Variants in ZFHX3 observed in about 807,000 individuals in gnomAD.
The protein encoded by ZFHX3 is zinc finger homeobox 3.
In ZFHX3, 42 loss-of-function variants were observed where a neutral mutation model predicts 279.1. The observed-to-expected ratio is 0.15, with a 90% CI of 0.12 to 0.19. ZFHX3 has a LOEUF of 0.19. Ranked by LOEUF, ZFHX3 falls within the 10% of genes least tolerant of loss-of-function variation. The pLI, the probability that ZFHX3 is intolerant of heterozygous loss-of-function variation, is 1.00. For synonymous variants in ZFHX3, 2,293 were observed against 1,957.8 expected (o/e 1.17, Z -4.52); for missense variants, 4,981 against 4,754.0 (o/e 1.05, Z -1.40).
intron 4 of ZFHX3, among the ~76,000 whole-genome samples, chr16:73,260,680 G>GTTTTTTTTTTTTT (rs370384540): frequency 1.1e-5 from 1 of 88,380 alleles, no homozygotes; most frequent in Non-Finnish European, 2.1e-5. Context: ...CACCTATCTG[G>GTTTTTTTTTTTTT]TTTTTTTTTT....
At chr16:73,113,686 C>T (rs1009506713) in intron 7 of ZFHX3, among the ~76,000 whole-genome samples, 37 of 150,788 alleles carry the variant, frequency 2.5e-4, no homozygotes, top group Non-Finnish European at 4.6e-4. Flanking sequence ...ACACGGATGG[C>T]GGGTCTTGGT....
At chr16:72,968,011 G>A (rs1330722343) in intron 1 of ZFHX3, among the ~76,000 whole-genome samples, 2 of 134,580 alleles carry the variant, frequency 1.5e-5, no homozygotes, top group East Asian at 4.0e-4. Flanking sequence ...AATTATAGCA[G>A]GAAAAAAAAA....
chr16:73,673,036 C>G (rs2052919535), intron 2 of ZFHX3, among the ~76,000 whole-genome samples: 1 of 152,072 alleles, frequency 6.6e-6, no homozygotes, highest in African/African-American at 2.4e-5. Context: ...ATTTGTCACT[C>G]CCATCAGTCT....
rs554162748 is a variant in ZFHX3, at chr16:73,754,071, T to C, written c.-1607-73831A>G. On this transcript the variant is annotated intron_variant, in intron 1 of 17. Transcript: ENST00000641206. ...CCAAATGTCTTGTGTATTTTGTCTT[T>C]CCATCCACACTGCAAACTCCTCTGG... Among the ~76,000 whole-genome samples, 402 of 151,556 alleles carry C rather than the reference T, an allele frequency of 2.7e-3. 1 individual carries two copies. Among genetic ancestry groups the C allele is most frequent in the African/African-American group, 9.2e-3 (380 of 41,294 alleles).
Position 72,958,899 on chromosome 16 carries a change from G to T in ZFHX3, c.1247C>A (p.Thr416Asn). The change falls in exon 2 of 10, where the codon ACC (threonine) becomes AAC (asparagine). Residue 416 changes from threonine to asparagine, a missense_variant. Around this residue, in one of 7 missense-constraint regions of ZFHX3, gnomAD observed 1,068 missense variants for 935.2 expected, o/e 1.14. Transcript: ENST00000268489. The part of the protein sequence containing the change: ...LTSSVLKTPI[T>N]SVPLGPLASS... ...AGCCAGAGGCCCCAGGGGGACTGAG[G>T]TAATGGGGGTCTTCAGTACCGAGCT... The T allele has an allele frequency of 6.2e-7, 1 of 1,608,204 alleles. No homozygotes were observed. Among genetic ancestry groups the T allele is most frequent in the Non-Finnish European group, 8.5e-7 (1 of 1,176,982 alleles).
intron 4 of ZFHX3, among the ~76,000 whole-genome samples, chr16:73,285,519 G>T (rs2014574045): frequency 6.6e-6 from 1 of 152,244 alleles, no homozygotes; most frequent in Non-Finnish European, 1.5e-5. Context: ...GGGTGTGTCA[G>T]GACGGGGGAT....
intron 8 of ZFHX3, among the ~76,000 whole-genome samples, chr16:73,085,449 T>A (rs1966000439): frequency 6.6e-6 from 1 of 152,162 alleles, no homozygotes; most frequent in Non-Finnish European, 1.5e-5. Context: ...TTTCACTATG[T>A]TGGTCAGGCT....
At chr16:73,470,596 C>G (rs776714811) in intron 2 of ZFHX3, among the ~76,000 whole-genome samples, 23 of 152,180 alleles carry the variant, frequency 1.5e-4, no homozygotes, top group Non-Finnish European at 2.2e-4. Flanking sequence ...GTCCCCCACA[C>G]CCCAAATTAT....
At chr16:73,366,233 A>G (rs775042328) in intron 3 of ZFHX3, among the ~76,000 whole-genome samples, 1 of 152,342 alleles carries the variant, frequency 6.6e-6, no homozygotes, top group Non-Finnish European at 1.5e-5. Flanking sequence ...GAACAGCCTC[A>G]GTGTCCAGCA....
intron 1 of ZFHX3, among the ~76,000 whole-genome samples, chr16:73,706,712 G>C (rs1020697474): frequency 7.9e-5 from 12 of 152,116 alleles, no homozygotes; most frequent in Non-Finnish European, 1.6e-4. Context: ...CTTTGCCAAA[G>C]ATGTTTTCTT....
intron 4 of ZFHX3, among the ~76,000 whole-genome samples, chr16:72,868,402 A>T (rs1390482446): frequency 6.6e-6 from 1 of 152,152 alleles, no homozygotes; most frequent in Non-Finnish European, 1.5e-5. Flanking sequence ...ACCACCTAAA[A>T]ACAGCATTAA....
intron 7 of ZFHX3, among the ~76,000 whole-genome samples, chr16:73,115,040 G>C (rs1176423115): frequency 5.9e-5 from 9 of 152,142 alleles, no homozygotes; most frequent in African/African-American, 1.2e-4. Context: ...GCTGTCTTCA[G>C]CTTCTCTCCC....
intron 7 of ZFHX3, among the ~76,000 whole-genome samples, chr16:72,810,333 C>T (rs969571933): frequency 5.9e-5 from 9 of 152,088 alleles, no homozygotes; most frequent in Admixed American, 1.3e-4. Flanking sequence ...TTACAGGAAC[C>T]CACCACCATG....
At chr16:73,246,264 C>G (rs948356933) in intron 5 of ZFHX3, among the ~76,000 whole-genome samples, 1 of 152,118 alleles carries the variant, frequency 6.6e-6, no homozygotes, top group Non-Finnish European at 1.5e-5. Context: ...GCATGGCTGG[C>G]AGCATCAGGT....
At chr16:72,789,975 C>G (rs1048147538) in intron 9 of ZFHX3, 1 of 152,304 alleles carries the variant, frequency 6.6e-6, no homozygotes, top group Non-Finnish European at 1.5e-5. Flanking sequence ...CTATGGATAG[C>G]AAAGGTCTGA....
intron 1 of ZFHX3, among the ~76,000 whole-genome samples, chr16:73,038,918 C>G (rs544079332): frequency 6.6e-6 from 1 of 152,072 alleles, no homozygotes; most frequent in South Asian, 2.1e-4. Context: ...CCACCTCAGC[C>G]TCCCGAGTAG....
At chr16:72,887,791 A>G (rs1233835082) in intron 4 of ZFHX3, among the ~76,000 whole-genome samples, 1 of 151,758 alleles carries the variant, frequency 6.6e-6, no homozygotes, top group Non-Finnish European at 1.5e-5. Flanking sequence ...TGTGTGTACA[A>G]CGTATGTGGG....
At chr16:73,499,278 A>G (rs2019194412) in intron 2 of ZFHX3, 1 of 152,222 alleles carries the variant, frequency 6.6e-6, no homozygotes, top group Non-Finnish European at 1.5e-5. Context: ...CAGCGCCACC[A>G]TGCCAGAGAG....
At chr16:72,946,406 T>C (rs1477398207) in intron 3 of ZFHX3, among the ~76,000 whole-genome samples, 1 of 152,228 alleles carries the variant, frequency 6.6e-6, no homozygotes, top group African/African-American at 2.4e-5. Context: ...GAACCCCAGC[T>C]AGAAACCGTT....
Sources: allele counts gnomAD v4.1 joint callset (sites outside exome capture counted in the v4.1 genomes callset), GRCh38; gene constraint gnomAD v4.1.1; regional missense constraint gnomAD v4.1.1; transcripts MANE v1.5; gene names NCBI Gene and HGNC (gene_info 2026-07-23, HGNC 2026-07-21).